Variants in HBP1 observed in about 807,000 individuals in gnomAD.
HBP1 encodes HMG box-containing protein 1.
A neutral mutation model predicts 62.6 loss-of-function variants in HBP1; 20 were observed. The ratio of observed to expected loss-of-function variants is 0.32; its 90% CI spans 0.22 to 0.46. The LOEUF (loss-of-function observed/expected upper bound fraction) is 0.46. HBP1 is among the 20% of genes least tolerant of loss of function. HBP1 has a pLI of 1.00. For synonymous variants in HBP1, 232 were observed against 206.2 expected (o/e 1.12, Z -1.07); for missense variants, 480 against 611.8 (o/e 0.78, Z 2.27).
At chr7:107,199,082 TATC>T (rs577009459) in intron 9 of HBP1, among the ~76,000 whole-genome samples, 2 of 152,234 alleles carry the variant, frequency 1.3e-5, no homozygotes, top group Middle Eastern at 3.4e-3. Flanking sequence ...AAAAATTGGT[TATC>T]ATTTTATTAT....
rs924554793 is a variant in HBP1 at position 107,202,225 on chromosome 7, T to C, written c.*794T>C. 5 of 150,796 alleles carry C rather than the reference T, an allele frequency of 3.3e-5. No individual in the cohort carries two copies. Among genetic ancestry groups the C allele is most frequent in the African/African-American group, 1.2e-4 (5 of 41,408 alleles). The allele number at this position is 150,796 out of a possible 1,614,324, so 9.3% of individuals were successfully genotyped here. A position where few individuals can be genotyped will look rare whatever the true frequency, so the allele number is the denominator to read the frequency against. On this transcript the variant is annotated 3_prime_UTR_variant, in exon 11 of 11. Coordinates refer to ENST00000222574, the MANE Select transcript of HBP1 (RefSeq NM_012257.4). Reference sequence around the variant, plus strand: ...TCCTCAGCCATGTATCTTAAATATATTTTGTCATCATAATCTTTATGGTGG... The same window carrying C: ...TCCTCAGCCATGTATCTTAAATATACTTTGTCATCATAATCTTTATGGTGG...
chr7:107,174,035 C>T (rs751044351), intron 1 of HBP1, among the ~76,000 whole-genome samples: 3 of 152,124 alleles, frequency 2.0e-5, no homozygotes, highest in Admixed American at 6.5e-5. Flanking sequence ...TATTGGAGAC[C>T]TTGCTTTCTT....
intron 9 of HBP1, among the ~76,000 whole-genome samples, chr7:107,198,305 G>A (rs988874489): frequency 2.0e-5 from 3 of 151,734 alleles, no homozygotes; most frequent in Non-Finnish European, 4.4e-5. Context: ...TGCCTCCTAG[G>A]TTGAAGTGAT....
intron 1 of HBP1, among the ~76,000 whole-genome samples, chr7:107,178,232 C>T (rs891104473): frequency 2.6e-5 from 4 of 152,054 alleles, no homozygotes; most frequent in Admixed American, 6.5e-5. Context: ...TGGATTCCAA[C>T]GCATAGGCTG....
rs370223959 is a variant in HBP1 at position 107,180,025 on chromosome 7, A to C, written c.132A>C (p.Ser44=). The C allele has an allele frequency of 2.2e-5, 35 of 1,605,416 alleles. No homozygotes were observed. Among genetic ancestry groups the C allele is most frequent in the Non-Finnish European group, 2.6e-5 (31 of 1,172,904 alleles). ...AGTGTAATGAGAATTTGCCATCTTCACCTGGATATAACTCCTGTGATGAAC... is the reference window on the plus strand; with the variant it reads ...AGTGTAATGAGAATTTGCCATCTTCCCCTGGATATAACTCCTGTGATGAAC... ...LLQCNENLPS[S]PGYNSCDEHM... is the part of the protein sequence containing the mutation. The change falls in exon 2 of 11, where the codon TCA becomes TCC. Residue 44 remains serine, a synonymous_variant. Coordinates refer to ENST00000222574, the MANE Select transcript of HBP1 (RefSeq NM_012257.4).
chr7:107,179,730 C>T, intron 1 of HBP1, 149 bp from the exon 2 acceptor site: 1 of 463,182 alleles, frequency 2.2e-6, no homozygotes, highest in Non-Finnish European at 3.9e-6. Context: ...CGAGATCACG[C>T]CACTGCACTG....
intron 1 of HBP1, among the ~76,000 whole-genome samples, chr7:107,172,282 T>G (rs527652614): frequency 2.0e-5 from 3 of 152,320 alleles, no homozygotes; most frequent in South Asian, 2.1e-4. Context: ...TTAACCACTT[T>G]AAAGCAAAAT....
chr7:107,177,497 A>G (rs990371864), intron 1 of HBP1, among the ~76,000 whole-genome samples: 1 of 152,258 alleles, frequency 6.6e-6, no homozygotes, highest in Non-Finnish European at 1.5e-5. Context: ...CGCTGTATCT[A>G]GCAATCTAAA....
intron 3 of HBP1, 143 bp downstream of exon 3, chr7:107,182,744 A>C (rs1163412246): frequency 3.5e-6 from 2 of 568,270 alleles, no homozygotes; most frequent in Non-Finnish European, 6.2e-6. Flanking sequence ...TCTAATGATC[A>C]AAGACTTATT....
At position 107,169,034 on chromosome 7, in the gene HBP1, A is replaced by G. The variant is rs1337670633; in HGVS notation, c.-167A>G. The G allele has an allele frequency of 9.3e-6, 12 of 1,288,962 alleles. No homozygotes were observed. The highest frequency in any genetic ancestry group is 1.2e-5 in the Non-Finnish European group (12 of 988,522). 79.8% of individuals were successfully genotyped at this position (1,288,962 alleles called of 1,614,324 possible). ...GGTAATGGCGACGGGTTTGGTAAGT[A>G]GGAAAGTTTCGGTTGAGGAGTAAGA... On this transcript the variant is annotated 5_prime_UTR_variant, in exon 1 of 11. Coordinates refer to ENST00000222574, the MANE Select transcript of HBP1 (RefSeq NM_012257.4).
chr7:107,171,065 A>ATT (rs1361609045), intron 1 of HBP1, among the ~76,000 whole-genome samples: 3 of 66,804 alleles, frequency 4.5e-5, no homozygotes, highest in African/African-American at 4.3e-4. Flanking sequence ...ATATATATAT[A>ATT]TATATATATT....
At chr7:107,174,226 A>G (rs1796733373) in intron 1 of HBP1, among the ~76,000 whole-genome samples, 1 of 152,176 alleles carries the variant, frequency 6.6e-6, no homozygotes, top group African/African-American at 2.4e-5. Flanking sequence ...TAAGAGTGAA[A>G]CTGAAGTCTG....
chr7:107,171,808 C>A (rs750794774), intron 1 of HBP1, among the ~76,000 whole-genome samples: 13 of 132,046 alleles, frequency 9.8e-5, no homozygotes, highest in Non-Finnish European at 1.2e-4. Flanking sequence ...TGCAGTGAGA[C>A]AAGATCAGGC....
chr7:107,183,216 G>A (rs17427123), intron 3 of HBP1, among the ~76,000 whole-genome samples: 25,133 of 152,110 alleles, frequency 0.17, 2,406 homozygotes, highest in Non-Finnish European at 0.22. Flanking sequence ...ATTTATCCCT[G>A]AAAAGAAATG....
intron 8 of HBP1, among the ~76,000 whole-genome samples, chr7:107,192,081 C>A (rs999226045): frequency 6.6e-6 from 1 of 152,018 alleles, no homozygotes; most frequent in African/African-American, 2.4e-5. Context: ...TATGAAATGT[C>A]GTCTCCCAGG....
intron 8 of HBP1, among the ~76,000 whole-genome samples, chr7:107,192,014 T>A (rs1435105722): frequency 6.6e-6 from 1 of 152,060 alleles, no homozygotes; most frequent in African/African-American, 2.4e-5. Flanking sequence ...CCAGGGATCC[T>A]CTCCCAGTGG....
At chr7:107,170,000 C>T (rs964470231) in intron 1 of HBP1, 5 of 985,334 alleles carry the variant, frequency 5.1e-6, no homozygotes, top group Non-Finnish European at 4.8e-6. Flanking sequence ...AAGTGGACAG[C>T]CAGGTTTTTG....
Position 107,171,067 on chromosome 7 carries a change from A to ATTTTTTTT in HBP1, c.-16+1883_-16+1884insTTTTTTTT, listed in dbSNP as rs1395508929. Among the ~76,000 whole-genome samples the ATTTTTTTT allele has an allele frequency of 5.6e-4, 37 of 66,658 alleles. 2 individuals carry two copies. The highest frequency in any genetic ancestry group is 4.2e-3 in the African/African-American group (30 of 7,178). 43.7% of individuals were successfully genotyped at this position (66,658 alleles called of 152,430 possible). A position where few individuals can be genotyped will look rare whatever the true frequency, so the allele number is the denominator to read the frequency against. On this transcript the variant is annotated intron_variant, in intron 1 of 10. Coordinates refer to ENST00000222574, the MANE Select transcript of HBP1 (RefSeq NM_012257.4). ...TATAAATATATATATATATATATATATATATATTTTTTTTTTTTTTTGAGA... is the reference window on the plus strand; with the variant it reads ...TATAAATATATATATATATATATATATTTTTTTTTATATATTTTTTTTTTTTTTTGAGA...
chr7:107,176,388 A>G lies in HBP1; in HGVS notation c.-15-3491A>G, dbSNP rs79916821. Among the ~76,000 whole-genome samples, 699 of 152,312 alleles carry G rather than the reference A, an allele frequency of 4.6e-3. 7 individuals are homozygous for G. Among genetic ancestry groups the G allele is most frequent in the African/African-American group, 0.016 (682 of 41,560 alleles). On this transcript the variant is annotated intron_variant, in intron 1 of 10. Coordinates refer to ENST00000222574, the MANE Select transcript of HBP1 (RefSeq NM_012257.4). ...TGTAGAACTATGGTCATTTGCTTAT[A>G]TCTTTCCACTAAAGTCAGACTCATG...
Sources: gnomAD v4.1 joint callset for allele counts (sites outside exome capture counted in the v4.1 genomes callset) on GRCh38, gnomAD v4.1.1 for gene constraint, MANE v1.5 for transcripts, NCBI Gene and HGNC (gene_info 2026-07-23, HGNC 2026-07-21) for gene names.